The following SASH3 variants were observed in gnomAD, a reference collection of about 807,000 sequenced individuals.
SASH3 encodes the protein SAM and SH3 domain-containing protein 3.
A neutral mutation model predicts 26.1 loss-of-function variants in SASH3; 7 were observed. The observed-to-expected ratio is 0.27, with a 90% confidence interval of 0.15 to 0.50. SASH3 has a LOEUF of 0.50. Among genes scored for constraint, SASH3 ranks in the 20% least tolerant of loss-of-function variants. The pLI, the probability that SASH3 is intolerant of heterozygous loss-of-function variation, is 0.98. For missense variants in SASH3, 231 were observed against 318.3 expected (o/e 0.73, Z 2.09); for synonymous variants, 138 against 136.8 (o/e 1.01, Z -0.06).
intron 1 of SASH3, among the ~76,000 whole-genome samples, chrX:129,781,388 G>T (rs982141573): frequency 7.2e-5 from 8 of 111,650 alleles, no homozygotes; most frequent in South Asian, 3.7e-4. Context: ...GGCGGGGGAG[G>T]GGGGAGGTTC....
Position 129,791,062 on chromosome X carries a change from C to T in SASH3, c.423C>T (p.Leu141=). The change falls in exon 4 of 8, where the codon CTC becomes CTT. Residue 141 remains leucine (L), a synonymous_variant. Transcript: ENST00000356892. ...AAGAGGAGCATGAACTTCCGGTGCTCAGCCGCCAGGCATCAACAGGTGAGT... is the reference window on the plus strand; with the variant it reads ...AAGAGGAGCATGAACTTCCGGTGCTTAGCCGCCAGGCATCAACAGGTGAGT... ...SEQEEHELPV[L]SRQASTGSEL... is the part of the protein sequence containing the mutation. 1 of 1,210,914 alleles carries T rather than the reference C, an allele frequency of 8.3e-7. No homozygotes were observed. The highest frequency in any genetic ancestry group is 1.7e-5 in the African/African-American group (1 of 57,807).
chrX:129,793,199 G>A (rs1038381977), intron 7 of SASH3, 60 bp downstream of exon 7: 100 of 1,169,718 alleles, frequency 8.5e-5, no homozygotes, highest in Non-Finnish European at 1.2e-4. Flanking sequence ...CCAGGGAGGG[G>A]AGGCTTGCCC....
At chrX:129,785,754 C>T (rs1317230348) in intron 1 of SASH3, among the ~76,000 whole-genome samples, 2 of 112,084 alleles carry the variant, frequency 1.8e-5, no homozygotes, top group Admixed American at 1.9e-4. Flanking sequence ...CGACTCTTAG[C>T]CTCCTGGTCT....
At chrX:129,789,829 C>T (rs1455837798) in intron 3 of SASH3, among the ~76,000 whole-genome samples, 1 of 111,914 alleles carries the variant, frequency 8.9e-6, no homozygotes, top group African/African-American at 3.3e-5. Flanking sequence ...GGGCTTATAC[C>T]AGCTCACAAG....
chrX:129,791,133 T>C, intron 4 of SASH3, 52 bp downstream of exon 4: 1 of 1,160,706 alleles, frequency 8.6e-7, no homozygotes, highest in Middle Eastern at 3.0e-4. Flanking sequence ...AAGGACTGGG[T>C]TACAGCCGTG....
At position 129,780,279 on chromosome X, in the gene SASH3, C is replaced by T. The variant is rs909218348; in HGVS notation, c.57+125C>T. 78 of 573,169 alleles carry T rather than the reference C, an allele frequency of 1.4e-4. No homozygotes were observed. In the African/African-American group the frequency reaches 1.5e-3, roughly 11 times the overall value. 47.2% of individuals were successfully genotyped at this position (573,169 alleles called of 1,213,427 possible). On this transcript the variant is annotated intron_variant, in intron 1 of 7. Transcript: ENST00000356892. ...TGAGTCTGTAGGTGAGGGCCACTCACCTAGAAGGCAACGGGACAGGGACCC... is the reference window on the plus strand; with the variant it reads ...TGAGTCTGTAGGTGAGGGCCACTCATCTAGAAGGCAACGGGACAGGGACCC...
In SASH3 at chrX:129,793,765, G is replaced by C; in HGVS notation, c.1076G>C (p.Arg359Pro). ...SGCFEGSESG[R>P]DDAELAGTEE... ...TGCTTTGAGGGCTCGGAGAGCGGGC[G>C]CGATGACGCAGAGCTGGCAGGCACT... The change falls in exon 8 of 8, where the codon CGC (arginine) becomes CCC (proline). Residue 359 changes from arginine to proline, a missense_variant. Coordinates refer to ENST00000356892, the MANE Select transcript of SASH3 (RefSeq NM_018990.4). 8.3e-7 allele frequency: 1 copy of C among 1,208,798 alleles called. No individual in the cohort carries two copies. The highest frequency in any genetic ancestry group is 1.1e-6 in the Non-Finnish European group (1 of 894,073).
In SASH3 at chrX:129,787,990, T is replaced by C; in HGVS notation, c.73T>C (p.Ser25Pro). 1 of 1,210,217 alleles carries C rather than the reference T, an allele frequency of 8.3e-7. No individual in the cohort carries two copies. The highest frequency in any genetic ancestry group is 1.1e-6 in the Non-Finnish European group (1 of 894,383). The change falls in exon 2 of 8, where the codon TCC becomes CCC. Residue 25 changes from serine (S) to proline (P), a missense_variant. Physicochemically the swap from Ser to Pro is moderately conservative, Grantham distance 74. Transcript: ENST00000356892. ...TQKKKLSLQR[S>P]SSFKDFAKSK... ...CTTTTTCCAGCTCTCCCTTCAGCGC[T>C]CCAGCAGCTTCAAGGATTTTGCCAA...
chrX:129,788,105 C>T, intron 2 of SASH3, 35 bp downstream of exon 2: 1 of 521,772 alleles, frequency 1.9e-6, no homozygotes, highest in Non-Finnish European at 3.0e-6. Flanking sequence ...GATCTGGCTG[C>T]AGGCCCTGGG....
At chrX:129,789,646 G>GA (rs200497904) in intron 3 of SASH3, among the ~76,000 whole-genome samples, 8 of 108,924 alleles carry the variant, frequency 7.3e-5, no homozygotes, top group East Asian at 2.9e-4. Context: ...TCAAAAAAAA[G>GA]AAAAAAAAAG....
intron 2 of SASH3, 59 bp downstream of exon 2, chrX:129,788,129 G>GGGC: frequency 1.5e-6 from 1 of 654,871 alleles, no homozygotes; most frequent in Middle Eastern, 4.1e-4. Context: ...GGGGGTGGGG[G>GGGC]TGGGAGGGAA....
At chrX:129,783,983 A>G (rs1927061836) in intron 1 of SASH3, among the ~76,000 whole-genome samples, 1 of 111,395 alleles carries the variant, frequency 9.0e-6, no homozygotes, top group Non-Finnish European at 1.9e-5. Context: ...TAATTGCGCC[A>G]CCGAATGAGT....
At chrX:129,788,132 G>A in intron 2 of SASH3, 62 bp downstream of exon 2, 1 of 533,361 alleles carries the variant, frequency 1.9e-6, no homozygotes, top group Non-Finnish European at 3.1e-6. Flanking sequence ...GGTGGGGGTG[G>A]GAGGGAAGAG....
rs773902863 is a variant in SASH3 at position 129,793,572 on chromosome X, G to C, written c.953-70G>C. ...TGGCAGGTGCCCAGAAGGAGAGACTGCCTATGGTGTATTTCCCAAGGTCCC... is the reference window on the plus strand; with the variant it reads ...TGGCAGGTGCCCAGAAGGAGAGACTCCCTATGGTGTATTTCCCAAGGTCCC... On this transcript the variant is annotated intron_variant, in intron 7 of 7. Transcript: ENST00000356892. 90 of 1,083,330 alleles carry C rather than the reference G, an allele frequency of 8.3e-5. No homozygotes were observed. The African/African-American group carries it at 1.3e-3, about 16-fold the overall frequency. The allele number at this position is 1,083,330 out of a possible 1,213,427, so 89.3% of individuals were successfully genotyped here.
In SASH3 at chrX:129,791,047, T is replaced by C; in HGVS notation, c.408T>C (p.His136=). ...TGGCCTTTTCTGAGCAAGAGGAGCA[T>C]GAACTTCCGGTGCTCAGCCGCCAGG... is the stretch of plus-strand genomic sequence containing the variant. ...MALAFSEQEE[H]ELPVLSRQAS... Residue 136 remains histidine, a synonymous_variant, in exon 4 of 8, where the codon CAT becomes CAC. Transcript: ENST00000356892. The C allele has an allele frequency of 8.3e-7, 1 of 1,209,422 alleles. No individual in the cohort carries two copies. The highest frequency in any genetic ancestry group is 1.1e-6 in the Non-Finnish European group (1 of 894,911).
intron 7 of SASH3, 38 bp downstream of exon 7, chrX:129,793,177 C>A (rs1927264180): frequency 8.3e-7 from 1 of 1,203,966 alleles, no homozygotes; most frequent in Non-Finnish European, 1.1e-6. Flanking sequence ...AGGGTGTGTG[C>A]CCACCGGCAT....
chrX:129,791,166 G>C (rs1344572715), intron 4 of SASH3, 85 bp downstream of exon 4: 3 of 1,006,050 alleles, frequency 3.0e-6, no homozygotes, highest in Non-Finnish European at 4.1e-6. Context: ...TGTCTGGGCG[G>C]GGGGTAAGAG....
chrX:129,784,094 C>T (rs912536065), intron 1 of SASH3, among the ~76,000 whole-genome samples: 2 of 109,725 alleles, frequency 1.8e-5, no homozygotes, highest in African/African-American at 6.7e-5. Flanking sequence ...GTTACTACAC[C>T]CCCCCCTTCC....
intron 3 of SASH3, among the ~76,000 whole-genome samples, chrX:129,789,170 A>AGAAAGAAAGAGAGAG (rs10683625): frequency 2.1e-5 from 1 of 48,293 alleles, no homozygotes; most frequent in African/African-American, 1.4e-4. Flanking sequence ...AGAAAGAGAA[A>AGAAAGAAAGAGAGAG]AAAAAAAAAA....
Sources: gnomAD v4.1 joint callset for allele counts (sites outside exome capture counted in the v4.1 genomes callset) on GRCh38, gnomAD v4.1.1 for gene constraint, MANE v1.5 for transcripts, NCBI Gene and HGNC (gene_info 2026-07-23, HGNC 2026-07-21) for gene names.